The following ZNF362 variants were observed in gnomAD, a reference collection of about 807,000 sequenced individuals.
ZNF362 encodes zinc finger protein 362.
ZNF362 carries 11 observed loss-of-function variants against 42.9 expected under a neutral mutation model. The observed-to-expected ratio is 0.26, with a 90% CI of 0.16 to 0.42. The LOEUF (loss-of-function observed/expected upper bound fraction) is 0.42. Ranked by LOEUF, ZNF362 falls within the 20% of genes least tolerant of loss-of-function variation. The pLI is 1.00. For synonymous variants in ZNF362, 255 were observed against 257.3 expected, an observed-to-expected ratio of 0.99 and a Z score of 0.09; for missense variants, 362 against 576.2, an observed-to-expected ratio of 0.63 and a Z score of 3.81.
intron 6 of ZNF362, among the ~76,000 whole-genome samples, chr1:33,288,539 G>A (rs1028634254): frequency 6.6e-6 from 1 of 151,860 alleles, no homozygotes; most frequent in Non-Finnish European, 1.5e-5. Flanking sequence ...AGGAGTTTGA[G>A]ACTAGCCTGG....
At chr1:33,250,756 AAAGAAGAAAGAAGAAGG>A in the ZNF362 span, among the ~76,000 whole-genome samples, 1 of 151,280 alleles carries the variant, frequency 6.6e-6, no homozygotes, top group Non-Finnish European at 1.5e-5. Flanking sequence ...GAAGAAAAAA[AAAGAAGAAAGAAGAAGG>A]AAGAAGAAAG....
chr1:33,172,076 C>T, the ZNF362 span, among the ~76,000 whole-genome samples: 7 of 152,262 alleles, frequency 4.6e-5, no homozygotes, highest in African/African-American at 1.4e-4. Context: ...GCCATGGCAC[C>T]GGACCTCAAA....
the ZNF362 span, among the ~76,000 whole-genome samples, chr1:33,247,489 C>G: frequency 1.3e-5 from 2 of 152,254 alleles, no homozygotes; most frequent in Non-Finnish European, 2.9e-5. Context: ...CCTTATCCCC[C>G]TCTGCCTCAA....
At chr1:33,134,921 C>T in the ZNF362 span, among the ~76,000 whole-genome samples, 639 of 152,316 alleles carry the variant, frequency 4.2e-3, 1 homozygote, top group Non-Finnish European at 7.2e-3. Flanking sequence ...GCTGCTTTCC[C>T]GCTGGGTTCC....
intron 1 of ZNF362, among the ~76,000 whole-genome samples, chr1:33,259,402 G>A (rs532693705): frequency 3.4e-4 from 51 of 152,196 alleles, no homozygotes; most frequent in Non-Finnish European, 7.4e-5. Flanking sequence ...GGAGGAAGCA[G>A]GTGTGTGGGT....
rs1427080034 is a variant in ZNF362 at position 33,280,940 on chromosome 1, G to A, written c.683+483G>A. ...AAAAGTTAGCCGGGCATGGTGGTGC[G>A]CCCCTGTAATCCTAGCTACTCAGGA... On this transcript the variant is annotated intron_variant, in intron 5 of 8. Transcript: ENST00000539719. The surrounding 1 kb of genome is among the most constrained non-coding windows in gnomAD (Gnocchi z 5.6). Among the ~76,000 whole-genome samples the A allele has an allele frequency of 2.6e-5, 4 of 152,042 alleles. No homozygotes were observed. Among genetic ancestry groups the A allele is most frequent in the Admixed American group, 1.3e-4 (2 of 15,272 alleles).
the ZNF362 span, among the ~76,000 whole-genome samples, chr1:33,214,353 G>C: frequency 2.6e-5 from 4 of 152,152 alleles, no homozygotes; most frequent in Non-Finnish European, 5.9e-5. Context: ...AGTAAGAATG[G>C]ATTAAAGACT....
the ZNF362 span, chr1:33,141,967 A>G: frequency 6.5e-6 from 1 of 152,926 alleles, no homozygotes; most frequent in East Asian, 1.9e-4. Flanking sequence ...CCCCTCTCCT[A>G]CTTTTTTTTG....
chr1:33,232,291 G>T, the ZNF362 span, among the ~76,000 whole-genome samples: 1 of 151,798 alleles, frequency 6.6e-6, no homozygotes, highest in Non-Finnish European at 1.5e-5. Flanking sequence ...CTGAGACAGG[G>T]TCTCACTCTG....
At chr1:33,275,337 G>T in intron 2 of ZNF362, 1 of 985,428 alleles carries the variant, frequency 1.0e-6, no homozygotes, top group Non-Finnish European at 1.2e-6. Flanking sequence ...AGAGGTGAGG[G>T]CCACCAGACA....
Position 33,258,099 on chromosome 1 carries a change from C to T in ZNF362, c.-89+1445C>T, listed in dbSNP as rs1645806109. Among the ~76,000 whole-genome samples, 3 of 152,222 alleles carry T rather than the reference C, an allele frequency of 2.0e-5. No individual in the cohort carries two copies. The South Asian group carries it at 6.2e-4, about 32-fold the overall frequency. On this transcript the variant is annotated intron_variant, in intron 1 of 8. Coordinates refer to ENST00000539719, the MANE Select transcript of ZNF362 (RefSeq NM_152493.3). ...GGTAGTCTGGTTTGCTAGACCTCCTCGGTGTGAGCCTCACCCCTGTAGTAT... is the reference window on the plus strand; with the variant it reads ...GGTAGTCTGGTTTGCTAGACCTCCTTGGTGTGAGCCTCACCCCTGTAGTAT...
chr1:33,282,082 CCT>C (rs1251004552), intron 6 of ZNF362: 15 of 496,808 alleles, frequency 3.0e-5, no homozygotes, highest in Middle Eastern at 5.4e-4. Flanking sequence ...ATCCCCTTGT[CCT>C]CTCTCAGTCT....
the ZNF362 span, chr1:33,147,703 G>C: frequency 1.2e-6 from 2 of 1,612,576 alleles, no homozygotes; most frequent in Non-Finnish European, 1.7e-6. This position sits in a 1 kb window ranked among gnomAD's most constrained non-coding sequence, Gnocchi z 8.1. Flanking sequence ...GGCTGTGCCC[G>C]GGTCCAGGGT....
chr1:33,300,648 A>T lies in ZNF362; in HGVS notation c.*1602A>T, dbSNP rs936367167. The T allele has an allele frequency of 6.6e-6, 1 of 152,160 alleles. No homozygotes were observed. The highest frequency in any genetic ancestry group is 1.5e-5 in the Non-Finnish European group (1 of 68,036). 9.4% of individuals were successfully genotyped at this position (152,160 alleles called of 1,614,324 possible). A position where few individuals can be genotyped will look rare whatever the true frequency, so the allele number is the denominator to read the frequency against. On this transcript the variant is annotated 3_prime_UTR_variant, in exon 9 of 9. Coordinates refer to ENST00000539719, the MANE Select transcript of ZNF362 (RefSeq NM_152493.3). ...GGGGGAAAACACTAAAGGGGGCAAG[A>T]AACAAAGGAATTACAAACCCTCTGC...
chr1:33,143,008 C>T, the ZNF362 span: 1 of 152,138 alleles, frequency 6.6e-6, no homozygotes, highest in Non-Finnish European at 1.5e-5. Context: ...GGGTTACTGC[C>T]ATTCTATCAT....
chr1:33,223,717 A>G, the ZNF362 span, among the ~76,000 whole-genome samples: 1 of 152,020 alleles, frequency 6.6e-6, no homozygotes, highest in Non-Finnish European at 1.5e-5. Flanking sequence ...ACATGGTGAA[A>G]CCCTGTCTCT....
the ZNF362 span, among the ~76,000 whole-genome samples, chr1:33,197,560 A>G: frequency 6.6e-6 from 1 of 152,336 alleles, no homozygotes; most frequent in Admixed American, 6.5e-5. Context: ...GGCATTGGAC[A>G]TTAGGCAAAA....
intron 1 of ZNF362, among the ~76,000 whole-genome samples, chr1:33,265,652 T>C (rs924621537): frequency 1.3e-5 from 2 of 151,968 alleles, no homozygotes; most frequent in Non-Finnish European, 2.9e-5. Context: ...GAGGCAAACT[T>C]TGAGCGTGTC....
intron 1 of ZNF362, among the ~76,000 whole-genome samples, chr1:33,259,630 C>A (rs1188378742): frequency 6.6e-6 from 1 of 152,234 alleles, no homozygotes; most frequent in Non-Finnish European, 1.5e-5. Flanking sequence ...ATCTGTCCTT[C>A]TATGCAATCC....
Sources: allele counts gnomAD v4.1 joint callset (sites outside exome capture counted in the v4.1 genomes callset), GRCh38; gene constraint gnomAD v4.1.1; non-coding constraint Gnocchi (gnomAD v3.1); transcripts MANE v1.5; gene names NCBI Gene and HGNC (gene_info 2026-07-23, HGNC 2026-07-21).